The following IMMP2L variants were observed in gnomAD, a reference collection of about 807,000 sequenced individuals.
The protein encoded by IMMP2L is mitochondrial inner membrane protease subunit 2.
A neutral mutation model predicts 19.3 loss-of-function variants in IMMP2L; 18 were observed. The ratio of observed to expected loss-of-function variants is 0.93; its 90% confidence interval spans 0.64 to 1.38. IMMP2L has a LOEUF of 1.38. Among genes scored for constraint, IMMP2L ranks in the 40% most tolerant of loss-of-function variants. The pLI, the probability that IMMP2L is intolerant of heterozygous loss-of-function variation, is 0.00. For synonymous variants in IMMP2L, 76 were observed against 73.0 expected (o/e 1.04, Z -0.21); for missense variants, 233 against 218.2 (o/e 1.07, Z -0.43).
At chr7:111,119,801 A>G (rs1800366990) in intron 3 of IMMP2L, among the ~76,000 whole-genome samples, 1 of 152,104 alleles carries the variant, frequency 6.6e-6, no homozygotes, top group Admixed American at 6.6e-5. Context: ...CACGCTCTCA[A>G]GGAGGTTAGT....
chr7:111,487,128 G>C (rs1842722679), intron 3 of IMMP2L, 110 bp downstream of exon 3: 1 of 538,840 alleles, frequency 1.9e-6, no homozygotes, highest in East Asian at 2.9e-5. Context: ...TATTTAACAT[G>C]TATTCAATTT....
chr7:111,066,540 G>A (rs1012117335), intron 3 of IMMP2L, among the ~76,000 whole-genome samples: 2 of 152,158 alleles, frequency 1.3e-5, no homozygotes, highest in African/African-American at 2.4e-5. Flanking sequence ...TCCAGGTACC[G>A]CACTAGATGC....
intron 3 of IMMP2L, among the ~76,000 whole-genome samples, chr7:111,306,889 A>G (rs1822937811): frequency 6.6e-6 from 1 of 151,718 alleles, no homozygotes; most frequent in East Asian, 1.9e-4. Flanking sequence ...AATATATAGC[A>G]ACATTATATT....
intron 1 of IMMP2L, among the ~76,000 whole-genome samples, chr7:111,558,039 T>C (rs1791579388): frequency 6.6e-6 from 1 of 152,042 alleles, no homozygotes; most frequent in Non-Finnish European, 1.5e-5. Context: ...ATTCAGGTAG[T>C]ATGAAGATGA....
intron 3 of IMMP2L, among the ~76,000 whole-genome samples, chr7:111,156,448 ATTC>A (rs1421710039): frequency 3.3e-5 from 5 of 152,146 alleles, no homozygotes; most frequent in African/African-American, 7.2e-5. Context: ...CTCCAACTTT[ATTC>A]TTCTTTTTCA....
chr7:110,882,829 C>T (rs1225165860), intron 5 of IMMP2L, among the ~76,000 whole-genome samples: 2 of 151,216 alleles, frequency 1.3e-5, no homozygotes, highest in South Asian at 2.1e-4. Context: ...ACAGGTATGA[C>T]TAGATACTAA....
At chr7:110,788,463 A>G (rs185612209) in intron 5 of IMMP2L, among the ~76,000 whole-genome samples, 1 of 151,726 alleles carries the variant, frequency 6.6e-6, no homozygotes, top group Admixed American at 6.6e-5. Flanking sequence ...ACTCCTTTTC[A>G]TCTTCCTGAG....
intron 3 of IMMP2L, among the ~76,000 whole-genome samples, chr7:111,336,837 A>G (rs1186947621): frequency 6.7e-6 from 1 of 148,944 alleles, no homozygotes; most frequent in African/African-American, 2.5e-5. Flanking sequence ...TCAGAAGTAG[A>G]CTTTTTTTTT....
intron 3 of IMMP2L, among the ~76,000 whole-genome samples, chr7:111,275,794 T>A (rs1818964749): frequency 6.6e-6 from 1 of 152,152 alleles, no homozygotes; most frequent in Non-Finnish European, 1.5e-5. Context: ...AGGCATTTTT[T>A]AATAGCTATT....
intron 3 of IMMP2L, among the ~76,000 whole-genome samples, chr7:111,242,998 T>A (rs1279103666): frequency 6.6e-6 from 1 of 152,004 alleles, no homozygotes; most frequent in East Asian, 1.9e-4. Context: ...TCTTAAAATA[T>A]TTTTTTCTGT....
At chr7:110,909,926 C>CAG (rs139251144) in intron 4 of IMMP2L, among the ~76,000 whole-genome samples, 3,930 of 145,788 alleles carry the variant, frequency 0.027, 86 homozygotes, top group African/African-American at 0.065. Flanking sequence ...GAGAGATAGA[C>CAG]AGAGAGAGAG....
At chr7:111,428,921 T>C (rs2131666567) in intron 3 of IMMP2L, among the ~76,000 whole-genome samples, 2 of 151,914 alleles carry the variant, frequency 1.3e-5, no homozygotes, top group South Asian at 2.1e-4. Flanking sequence ...ATTTTAAAAG[T>C]GTAAAAATAA....
intron 3 of IMMP2L, among the ~76,000 whole-genome samples, chr7:111,073,758 C>T (rs534853868): frequency 6.6e-6 from 1 of 152,202 alleles, no homozygotes; most frequent in East Asian, 1.9e-4. Flanking sequence ...TAAATGTTTC[C>T]TTAGTTGTGT....
At chr7:111,539,196 GAGAAAGAAAGAAAGAAAGAA>G (rs56749626) in intron 1 of IMMP2L, among the ~76,000 whole-genome samples, 838 of 29,946 alleles carry the variant, frequency 0.028, 47 homozygotes, top group South Asian at 0.043. Flanking sequence ...AGGAAGGAGG[GAGAAAGAAAGAAAGAAAGAA>G]AGAAAGAAAG....
chr7:111,146,119 T>C (rs1803440785), intron 3 of IMMP2L, among the ~76,000 whole-genome samples: 1 of 151,826 alleles, frequency 6.6e-6, no homozygotes, highest in Non-Finnish European at 1.5e-5. Context: ...ATGAGTGCAA[T>C]AGCTAAAATA....
At chr7:111,285,727 G>A (rs1448355145) in intron 3 of IMMP2L, among the ~76,000 whole-genome samples, 1 of 152,058 alleles carries the variant, frequency 6.6e-6, no homozygotes, top group Non-Finnish European at 1.5e-5. Context: ...TCTTTCTTGT[G>A]TCTCTCCAAC....
chr7:111,057,882 A>C (rs1793657840), intron 3 of IMMP2L, among the ~76,000 whole-genome samples: 1 of 152,166 alleles, frequency 6.6e-6, no homozygotes, highest in African/African-American at 2.4e-5. Context: ...GTTCATGAGG[A>C]ATTTCTTCAA....
chr7:111,118,305 A>G (rs193140406), intron 3 of IMMP2L, among the ~76,000 whole-genome samples: 124 of 152,290 alleles, frequency 8.1e-4, no homozygotes, highest in Non-Finnish European at 1.5e-3. Flanking sequence ...CAGATAAAGA[A>G]GCTAAAGAAT....
In IMMP2L at chr7:110,669,027, A is replaced by G. The variant is rs1404926; in HGVS notation, c.409-5306T>C. ...TCTCCAGAGAAACTGAACCAACAGT[A>G]TGTGTGTGTGTGTGTGTGTGTGTGC... On this transcript the variant is annotated intron_variant, in intron 5 of 5. Transcript: ENST00000405709. Among the ~76,000 whole-genome samples the G allele has an allele frequency of 0.027, 484 of 17,974 alleles. 80 individuals are homozygous for G. The East Asian group carries it at 0.31, about 11-fold the overall frequency. 11.8% of individuals were successfully genotyped at this position (17,974 alleles called of 152,430 possible).
Sources: gnomAD v4.1 joint callset for allele counts (sites outside exome capture counted in the v4.1 genomes callset) on GRCh38, gnomAD v4.1.1 for gene constraint, MANE v1.5 for transcripts, NCBI Gene and HGNC (gene_info 2026-07-23, HGNC 2026-07-21) for gene names.